The following SPZ1 variants were observed in gnomAD, a reference collection of about 807,000 sequenced individuals.
SPZ1 encodes spermatogenic leucine zipper protein 1.
For synonymous variants in SPZ1, 160 were observed against 167.6 expected, an observed-to-expected ratio of 0.95 and a Z score of 0.35; for missense variants, 408 against 486.2, an observed-to-expected ratio of 0.84 and a Z score of 1.51.
At position 80,320,208 on chromosome 5, in the gene SPZ1, C is replaced by T. The variant is rs1432101011; in HGVS notation, c.-8C>T. ...ATCTCTAAAGTTTTCTGCTTTCCTT[C>T]TGTCCTGATGGCCAGCTCTGCTAAG... On this transcript the variant is annotated 5_prime_UTR_variant, in exon 1 of 1. Coordinates refer to ENST00000296739, the MANE Select transcript of SPZ1 (RefSeq NM_032567.4). 6.3e-7 allele frequency: 1 copy of T among 1,596,186 alleles called. No homozygotes were observed. The highest frequency in any genetic ancestry group is 8.5e-7 in the Non-Finnish European group (1 of 1,172,552).
chr5:80,321,252 A>C lies in SPZ1; in HGVS notation c.1037A>C (p.Gln346Pro), dbSNP rs765112127. 6.2e-7 allele frequency: 1 copy of C among 1,613,486 alleles called. No individual in the cohort carries two copies. Residue 346 changes from glutamine to proline, a missense_variant, in exon 1 of 1, where the codon CAG (glutamine) becomes CCG (proline). Physicochemically the swap from Gln to Pro is moderately conservative, Grantham distance 76. Coordinates refer to ENST00000296739, the MANE Select transcript of SPZ1 (RefSeq NM_032567.4). ...EILKELHHQK[Q>P]GTLQEKPIQI... ...CTCAAGGAACTCCATCATCAGAAACAGGGAACTCTGCAAGAGAAGCCAATT... is the reference window on the plus strand; with the variant it reads ...CTCAAGGAACTCCATCATCAGAAACCGGGAACTCTGCAAGAGAAGCCAATT...
chr5:80,320,441 A>G lies in SPZ1; in HGVS notation c.226A>G (p.Ile76Val), dbSNP rs776318312. Reference sequence around the variant, plus strand: ...GAAGTTTAACAATCTCTTAAAAGAAATTAAAGATATTCTTAAAAATATGGC... The same window carrying G: ...GAAGTTTAACAATCTCTTAAAAGAAGTTAAAGATATTCTTAAAAATATGGC... ...AQKFNNLLKEIKDILKNMAGF... is the reference protein window; with the variant it reads ...AQKFNNLLKEVKDILKNMAGF... The change falls in exon 1 of 1, where the codon ATT (isoleucine) becomes GTT (valine). Residue 76 changes from isoleucine to valine, a missense_variant. Transcript: ENST00000296739. 1 of 1,612,990 alleles carries G rather than the reference A, an allele frequency of 6.2e-7. No homozygotes were observed. The highest frequency in any genetic ancestry group is 1.7e-5 in the Admixed American group (1 of 59,762).
At position 80,320,105 on chromosome 5, in the gene SPZ1, CT is replaced by C; in HGVS notation, c.-108del. On this transcript the variant is annotated 5_prime_UTR_variant, in exon 1 of 1. Transcript: ENST00000296739. ...TCATCTCCCAAATTTTAATCCTTAA[CT>C]TTGGTCTCTGACTTCTGCTTGATTC... The C allele has an allele frequency of 1.2e-6, 1 of 839,070 alleles. No individual in the cohort carries two copies. Among genetic ancestry groups the C allele is most frequent in the South Asian group, 1.9e-5 (1 of 52,966 alleles). 52.0% of individuals were successfully genotyped at this position (839,070 alleles called of 1,614,324 possible).
chr5:80,321,651 C>T lies in SPZ1; in HGVS notation c.*143C>T, dbSNP rs1426354731. On this transcript the variant is annotated 3_prime_UTR_variant, in exon 1 of 1. Transcript: ENST00000296739. ...GAGCTATAGAATAAGGAGATTGACA[C>T]TTATATTACTCATTACTTCAGCAGT... is the stretch of plus-strand genomic sequence containing the variant. 1.7e-6 allele frequency: 1 copy of T among 585,194 alleles called. No individual in the cohort carries two copies. The highest frequency in any genetic ancestry group is 3.0e-6 in the Non-Finnish European group (1 of 337,994). 36.3% of individuals were successfully genotyped at this position (585,194 alleles called of 1,614,324 possible). A position where few individuals can be genotyped will look rare whatever the true frequency, so the allele number is the denominator to read the frequency against.
At position 80,321,008 on chromosome 5, in the gene SPZ1, A is replaced by G. The variant is rs375200625; in HGVS notation, c.793A>G (p.Ser265Gly). Residue 265 changes from serine (S) to glycine (G), a missense_variant, in exon 1 of 1, where the codon AGT becomes GGT. Physicochemically the swap from Ser to Gly is moderately conservative, Grantham distance 56. Transcript: ENST00000296739. ...EHWSKQHTELSKLIKSYQKSQ... is the reference protein window; with the variant it reads ...EHWSKQHTELGKLIKSYQKSQ... ...CTGGAGTAAACAACATACTGAGCTC[A>G]GTAAACTGATAAAATCCTATCAGAA... is the stretch of plus-strand genomic sequence containing the variant. 31 of 1,614,194 alleles carry G rather than the reference A, an allele frequency of 1.9e-5. No individual in the cohort carries two copies. The African/African-American group carries it at 3.5e-4, about 18-fold the overall frequency.
chr5:80,320,833 T>G lies in SPZ1; in HGVS notation c.618T>G (p.Phe206Leu). ...NQNSENTAQV[F>L]ARDLVNRLEE... ...ACTCTGAGAACACCGCACAAGTTTT[T>G]GCAAGAGATTTGGTAAATCGTTTAG... The change falls in exon 1 of 1, where the codon TTT becomes TTG. Residue 206 changes from phenylalanine (F) to leucine (L), a missense_variant. Physicochemically the swap from Phe to Leu is conservative, Grantham distance 22 (BLOSUM62 0). Coordinates refer to ENST00000296739, the MANE Select transcript of SPZ1 (RefSeq NM_032567.4). 6.2e-7 allele frequency: 1 copy of G among 1,614,106 alleles called. No individual in the cohort carries two copies. Among genetic ancestry groups the G allele is most frequent in the Admixed American group, 1.7e-5 (1 of 60,014 alleles).
chr5:80,321,672 G>T lies in SPZ1; in HGVS notation c.*164G>T. 1.9e-6 allele frequency: 1 copy of T among 524,842 alleles called. No individual in the cohort carries two copies. Among genetic ancestry groups the T allele is most frequent in the Non-Finnish European group, 3.4e-6 (1 of 297,074 alleles). 32.5% of individuals were successfully genotyped at this position (524,842 alleles called of 1,614,324 possible). A position where few individuals can be genotyped will look rare whatever the true frequency, so the allele number is the denominator to read the frequency against. On this transcript the variant is annotated 3_prime_UTR_variant, in exon 1 of 1. Transcript: ENST00000296739. ...GACACTTATATTACTCATTACTTCA[G>T]CAGTTATGTAAGTCTGGTCTTTAAT...
In SPZ1 at chr5:80,320,932, A is replaced by G. The variant is rs777097487; in HGVS notation, c.717A>G (p.Glu239=). The change falls in exon 1 of 1, where the codon GAA becomes GAG. Residue 239 remains glutamate (E), a synonymous_variant. Transcript: ENST00000296739. ...KAKNRLNVQE[E]TMKIRNNMEQ... is the part of the protein sequence containing the mutation. The stretch of plus-strand genomic sequence containing the variant: ...AAAACAGACTTAATGTTCAAGAAGA[A>G]ACTATGAAAATTAGGAACAACATGG... 1 of 1,610,030 alleles carries G rather than the reference A, an allele frequency of 6.2e-7. No individual in the cohort carries two copies. The highest frequency in any genetic ancestry group is 8.5e-7 in the Non-Finnish European group (1 of 1,179,226).
chr5:80,321,024 C>T lies in SPZ1; in HGVS notation c.809C>T (p.Ser270Phe), dbSNP rs747550254. The change falls in exon 1 of 1, where the codon TCC (serine) becomes TTC (phenylalanine). Residue 270 changes from serine (S) to phenylalanine (F), a missense_variant. Physicochemically the swap from Ser to Phe is radical, Grantham distance 155. Coordinates refer to ENST00000296739, the MANE Select transcript of SPZ1 (RefSeq NM_032567.4). ...ACTGAGCTCAGTAAACTGATAAAAT[C>T]CTATCAGAAATCTCAGAAAGACATA... is the stretch of plus-strand genomic sequence containing the variant. ...QHTELSKLIK[S>F]YQKSQKDISE... 5.6e-6 allele frequency: 9 copies of T among 1,613,890 alleles called. No homozygotes were observed. In the South Asian group the frequency reaches 7.7e-5, roughly 14 times the overall value.
rs1220477362 is a variant in SPZ1 at position 80,320,398 on chromosome 5, A to C, written c.183A>C (p.Thr61=). Residue 61 remains threonine, a synonymous_variant, in exon 1 of 1, where the codon ACA becomes ACC. Transcript: ENST00000296739. ...PFLKNSSHQV[T]EQQTAQKFNN... The stretch of plus-strand genomic sequence containing the variant: ...TAAAGAATAGCAGCCATCAAGTTAC[A>C]GAACAACAGACTGCACAGAAGTTTA... 1 of 1,614,188 alleles carries C rather than the reference A, an allele frequency of 6.2e-7. No homozygotes were observed. The highest frequency in any genetic ancestry group is 1.7e-5 in the Admixed American group (1 of 60,020).
At position 80,321,538 on chromosome 5, in the gene SPZ1, T is replaced by G. The variant is rs16876315; in HGVS notation, c.*30T>G. The G allele has an allele frequency of 3.1e-5, 46 of 1,467,592 alleles. No individual in the cohort carries two copies. The highest frequency in any genetic ancestry group is 3.7e-5 in the Non-Finnish European group (40 of 1,088,744). 90.9% of individuals were successfully genotyped at this position (1,467,592 alleles called of 1,614,324 possible). ...TACCAAAAGCAGATGAAAAGGTGAATCCTTAAAAAACTACATCTGTTACCT... is the reference window on the plus strand; with the variant it reads ...TACCAAAAGCAGATGAAAAGGTGAAGCCTTAAAAAACTACATCTGTTACCT... On this transcript the variant is annotated 3_prime_UTR_variant, in exon 1 of 1. Transcript: ENST00000296739.
At position 80,320,594 on chromosome 5, in the gene SPZ1, C is replaced by G; in HGVS notation, c.379C>G (p.Leu127Val). 6.2e-7 allele frequency: 1 copy of G among 1,611,770 alleles called. No homozygotes were observed. Among genetic ancestry groups the G allele is most frequent in the Non-Finnish European group, 8.5e-7 (1 of 1,179,440 alleles). Reference sequence around the variant, plus strand: ...AATCAATGAAATGTTATCAACAAACCTGCCTGTTAGTTTAGCCCCAGAGAA... The same window carrying G: ...AATCAATGAAATGTTATCAACAAACGTGCCTGTTAGTTTAGCCCCAGAGAA... ...DKINEMLSTNLPVSLAPEKED... is the reference protein window; with the variant it reads ...DKINEMLSTNVPVSLAPEKED... Residue 127 changes from leucine (L) to valine (V), a missense_variant, in exon 1 of 1, where the codon CTG (leucine) becomes GTG (valine). Transcript: ENST00000296739.
In SPZ1 at chr5:80,321,314, C is replaced by T. The variant is rs769002129; in HGVS notation, c.1099C>T (p.Pro367Ser). 7.5e-6 allele frequency: 12 copies of T among 1,610,106 alleles called. 1 individual carries two copies. In the South Asian group the frequency reaches 1.1e-4, roughly 15 times the overall value. The stretch of plus-strand genomic sequence containing the variant: ...TAAACAGGACAAGAAAAATCAGAAG[C>T]CATCAGAAGCAAAGAAAGTAGAAAT... The part of the protein sequence containing the change: ...NYKQDKKNQK[P>S]SEAKKVEMYK... Residue 367 changes from proline to serine, a missense_variant, in exon 1 of 1, where the codon CCA (proline) becomes TCA (serine). Physicochemically the swap from Pro to Ser is moderately conservative, Grantham distance 74. Coordinates refer to ENST00000296739, the MANE Select transcript of SPZ1 (RefSeq NM_032567.4).
rs200328058 is a variant in SPZ1 at position 80,320,729 on chromosome 5, T to C, written c.514T>C (p.Ser172Pro). The change falls in exon 1 of 1, where the codon TCA becomes CCA. Residue 172 changes from serine to proline, a missense_variant. Coordinates refer to ENST00000296739, the MANE Select transcript of SPZ1 (RefSeq NM_032567.4). ...RGLDKINEML[S>P]TNLPVSLAPE... is the part of the protein sequence containing the mutation. ...ACTTGACAAAATCAATGAAATGTTA[T>C]CAACAAACCTGCCTGTTAGTTTAGC... 900 of 1,565,152 alleles carry C rather than the reference T, an allele frequency of 5.8e-4. 3 individuals are homozygous for C. The highest frequency in any genetic ancestry group is 7.0e-4 in the Non-Finnish European group (793 of 1,139,412).
In SPZ1 at chr5:80,321,403, C is replaced by T; in HGVS notation, c.1188C>T (p.Ser396=). 6.2e-7 allele frequency: 1 copy of T among 1,613,356 alleles called. No individual in the cohort carries two copies. The highest frequency in any genetic ancestry group is 1.7e-5 in the Admixed American group (1 of 59,818). The change falls in exon 1 of 1, where the codon AGC becomes AGT. Residue 396 remains serine (S), a synonymous_variant. Transcript: ENST00000296739. ...TFWKKDRSCR[S]LDVCLNKKAC... is the part of the protein sequence containing the mutation. Reference sequence around the variant, plus strand: ...GGAAAAAAGACAGATCCTGTAGAAGCCTGGATGTTTGTCTTAATAAGAAAG... The same window carrying T: ...GGAAAAAAGACAGATCCTGTAGAAGTCTGGATGTTTGTCTTAATAAGAAAG...
rs759036106 is a variant in SPZ1, at chr5:80,320,443, T to G, written c.228T>G (p.Ile76Met). The G allele has an allele frequency of 8.7e-6, 14 of 1,612,810 alleles. No individual in the cohort carries two copies. The African/African-American group carries it at 1.3e-4, about 15-fold the overall frequency. ...AQKFNNLLKE[I>M]KDILKNMAGF... The stretch of plus-strand genomic sequence containing the variant: ...AGTTTAACAATCTCTTAAAAGAAAT[T>G]AAAGATATTCTTAAAAATATGGCAG... The change falls in exon 1 of 1, where the codon ATT becomes ATG. Residue 76 changes from isoleucine (I) to methionine (M), a missense_variant. Coordinates refer to ENST00000296739, the MANE Select transcript of SPZ1 (RefSeq NM_032567.4).
Position 80,321,154 on chromosome 5 carries a change from C to A in SPZ1, c.939C>A (p.Asp313Glu). 1 of 1,613,776 alleles carries A rather than the reference C, an allele frequency of 6.2e-7. No homozygotes were observed. The highest frequency in any genetic ancestry group is 2.2e-5 in the East Asian group (1 of 44,878). ...LEEQVKKLSH[D>E]TYSLQLMAAL... Reference sequence around the variant, plus strand: ...AACAGGTGAAGAAACTGAGCCATGACACCTATTCATTGCAGTTGATGGCAG... The same window carrying A: ...AACAGGTGAAGAAACTGAGCCATGAAACCTATTCATTGCAGTTGATGGCAG... Residue 313 changes from aspartate (D) to glutamate (E), a missense_variant, in exon 1 of 1, where the codon GAC (aspartate) becomes GAA (glutamate). Asp to Glu is a conservative substitution (Grantham distance 45). Coordinates refer to ENST00000296739, the MANE Select transcript of SPZ1 (RefSeq NM_032567.4).
rs1743522522 is a variant in SPZ1 at position 80,320,045 on chromosome 5, C to A, written c.-171C>A. 1.7e-6 allele frequency: 1 copy of A among 589,042 alleles called. No homozygotes were observed. The highest frequency in any genetic ancestry group is 2.9e-6 in the Non-Finnish European group (1 of 339,856). 36.5% of individuals were successfully genotyped at this position (589,042 alleles called of 1,614,324 possible). A position where few individuals can be genotyped will look rare whatever the true frequency, so the allele number is the denominator to read the frequency against. ...TCCCCTTTCCCACCCTTCCTCCCCA[C>A]AAGGCTGTCTGAGATGCCACCTTCC... On this transcript the variant is annotated 5_prime_UTR_variant, in exon 1 of 1. Coordinates refer to ENST00000296739, the MANE Select transcript of SPZ1 (RefSeq NM_032567.4).
rs1048877549 is a variant in SPZ1 at position 80,321,589 on chromosome 5, T to C, written c.*81T>C. On this transcript the variant is annotated 3_prime_UTR_variant, in exon 1 of 1. Transcript: ENST00000296739. ...CCAACTTGTCAGTCATGATCAATCA[T>C]CAAACCTTGGGCAGATCTGCTGGTT... 3.9e-4 allele frequency: 460 copies of C among 1,169,110 alleles called. 1 individual carries two copies. Among genetic ancestry groups the C allele is most frequent in the Non-Finnish European group, 2.9e-4 (244 of 836,092 alleles). The allele number at this position is 1,169,110 out of a possible 1,614,324, so 72.4% of individuals were successfully genotyped here. A position where few individuals can be genotyped will look rare whatever the true frequency, so the allele number is the denominator to read the frequency against.
Sources: allele counts gnomAD v4.1 joint callset, GRCh38; gene constraint gnomAD v4.1.1; transcripts MANE v1.5; gene names NCBI Gene and HGNC (gene_info 2026-07-23, HGNC 2026-07-21).